VCF1: variants seen among roughly 807,000 people sequenced by gnomAD.
VCF1 encodes the protein protein VCF1.
At chr17:73,208,193 A>G in the VCF1 span, 1 of 1,576,360 alleles carries the variant, frequency 6.3e-7, no homozygotes, top group Non-Finnish European at 8.6e-7. Flanking sequence ...GACTAGAGCC[A>G]TCGTGCTTCT....
At chr17:73,209,710 G>A in the VCF1 span, 47 of 1,546,990 alleles carry the variant, frequency 3.0e-5, no homozygotes, top group Admixed American at 9.8e-5. Flanking sequence ...GGCCCTGTCC[G>A]GGCTATTGAT....
chr17:73,210,991 C>T, the VCF1 span, among the ~76,000 whole-genome samples: 4 of 152,254 alleles, frequency 2.6e-5, no homozygotes, highest in Admixed American at 2.0e-4. Flanking sequence ...GTTTACAGTG[C>T]AATACAATAT....
chr17:73,224,865 CACAGGACAGG>C, the VCF1 span, among the ~76,000 whole-genome samples: 3 of 128,674 alleles, frequency 2.3e-5, no homozygotes, highest in African/African-American at 6.4e-5. Context: ...GACAGGACAG[CACAGGACAGG>C]ACAGCACAGC....
At chr17:73,208,901 G>C in the VCF1 span, 1 of 286,592 alleles carries the variant, frequency 3.5e-6, no homozygotes, top group Non-Finnish European at 6.8e-6. Flanking sequence ...ATTCTCTCTG[G>C]AAATACAAAT....
the VCF1 span, among the ~76,000 whole-genome samples, chr17:73,221,523 G>A: frequency 4.6e-5 from 7 of 152,030 alleles, no homozygotes; most frequent in East Asian, 1.9e-4. Context: ...TTCACTTCTT[G>A]CTCAGTGAAG....
At chr17:73,232,205 C>T in the VCF1 span, 1 of 1,610,998 alleles carries the variant, frequency 6.2e-7, no homozygotes, top group South Asian at 1.1e-5. Flanking sequence ...CCCCTCGGGC[C>T]TTGGCTCTCG....
chr17:73,212,804 T>C, the VCF1 span: 1 of 1,260,076 alleles, frequency 7.9e-7, no homozygotes, highest in Non-Finnish European at 1.1e-6. Flanking sequence ...TCAAATTATA[T>C]CTATTTCGTA....
chr17:73,225,268 G>A, the VCF1 span, among the ~76,000 whole-genome samples: 4 of 152,086 alleles, frequency 2.6e-5, no homozygotes, highest in Non-Finnish European at 4.4e-5. Context: ...GAACCCAGGA[G>A]GTTGAGTAAC....
chr17:73,222,342 A>C, the VCF1 span, among the ~76,000 whole-genome samples: 1 of 152,100 alleles, frequency 6.6e-6, no homozygotes, highest in Non-Finnish European at 1.5e-5. Context: ...GAAAAAAAAA[A>C]CACAAGACCA....
At chr17:73,232,332 C>CTCGCGGCTGCGCAGTGGCACCA in the VCF1 span, 2 of 1,542,622 alleles carry the variant, frequency 1.3e-6, no homozygotes, top group Non-Finnish European at 1.8e-6. Flanking sequence ...GTACCGCCCT[C>CTCGCGGCTGCGCAGTGGCACCA]TCGCGGCTGC....
the VCF1 span, chr17:73,207,600 GTGA>G: frequency 1.1e-6 from 1 of 923,748 alleles, no homozygotes; most frequent in Non-Finnish European, 1.5e-6. Context: ...TTTTGTTCTG[GTGA>G]TGATGGTTTT....
the VCF1 span, chr17:73,209,251 C>A: frequency 5.7e-6 from 3 of 523,250 alleles, no homozygotes; most frequent in Non-Finnish European, 1.0e-5. Flanking sequence ...GGATTCAACA[C>A]ACAGAATGAG....
chr17:73,231,751 C>T, the VCF1 span, among the ~76,000 whole-genome samples: 12 of 151,950 alleles, frequency 7.9e-5, no homozygotes, highest in Non-Finnish European at 1.0e-4. Flanking sequence ...TTTATCCCAT[C>T]CCCCCACCCT....
the VCF1 span, among the ~76,000 whole-genome samples, chr17:73,213,398 A>G: frequency 6.6e-6 from 1 of 152,196 alleles, no homozygotes; most frequent in Non-Finnish European, 1.5e-5. Flanking sequence ...GATCATAGAG[A>G]CATACATATA....
chr17:73,224,227 G>C, the VCF1 span, among the ~76,000 whole-genome samples: 1 of 115,726 alleles, frequency 8.6e-6, no homozygotes, highest in African/African-American at 3.3e-5. Flanking sequence ...AAGAGTTCAC[G>C]ACCAGCCTGG....
chr17:73,210,158 T>C, the VCF1 span, among the ~76,000 whole-genome samples: 1 of 152,188 alleles, frequency 6.6e-6, no homozygotes, highest in Admixed American at 6.5e-5. Context: ...CAAGGGAATG[T>C]ATGAGTCATT....
chr17:73,221,771 C>T, the VCF1 span, among the ~76,000 whole-genome samples: 1 of 151,946 alleles, frequency 6.6e-6, no homozygotes, highest in East Asian at 1.9e-4. Context: ...CGCGGTGGCT[C>T]ACGCCTGTAA....
chr17:73,209,019 T>G, the VCF1 span: 1 of 207,396 alleles, frequency 4.8e-6, no homozygotes, highest in African/African-American at 2.4e-5. Context: ...CAATAGAACA[T>G]CTACATACTG....
chr17:73,230,520 C>G, the VCF1 span, among the ~76,000 whole-genome samples: 4 of 152,222 alleles, frequency 2.6e-5, no homozygotes, highest in South Asian at 8.3e-4. Flanking sequence ...CTTAGCCTCC[C>G]AAGTAGCTGG....
Sources: gnomAD v4.1 joint callset for allele counts (sites outside exome capture counted in the v4.1 genomes callset) on GRCh38, gnomAD v4.1.1 for gene constraint, MANE v1.5 for transcripts, NCBI Gene and HGNC (gene_info 2026-07-23, HGNC 2026-07-21) for gene names.